The following PPP6R2 variants were observed in gnomAD, a reference collection of about 807,000 sequenced individuals.
The protein encoded by PPP6R2 is protein phosphatase 6 regulatory subunit 2, also known as serine/threonine-protein phosphatase 6 regulatory subunit 2.
A neutral mutation model predicts 100.2 loss-of-function variants in PPP6R2; 62 were observed. The observed-to-expected ratio is 0.62, with a 90% CI of 0.50 to 0.76. The LOEUF (loss-of-function observed/expected upper bound fraction) is 0.76. Among genes scored for constraint, PPP6R2 ranks in the 30% least tolerant of loss-of-function variants. The pLI is 0.00. For synonymous variants in PPP6R2, 525 were observed against 514.7 expected, an observed-to-expected ratio of 1.02 and a Z score of -0.27; for missense variants, 1,142 against 1,276.3, an observed-to-expected ratio of 0.89 and a Z score of 1.60.
At chr22:50,367,257 C>T (rs2048955143) in intron 1 of PPP6R2, among the ~76,000 whole-genome samples, 1 of 151,982 alleles carries the variant, frequency 6.6e-6, no homozygotes, top group Non-Finnish European at 1.5e-5. Flanking sequence ...GGCATCAAAG[C>T]ACTTGGAGTA....
chr22:50,398,016 G>T (rs1260512979), intron 3 of PPP6R2, among the ~76,000 whole-genome samples: 3 of 151,668 alleles, frequency 2.0e-5, no homozygotes, highest in Non-Finnish European at 4.4e-5. Context: ...AGGTTTTAAA[G>T]CACGTGCACA....
chr22:50,383,096 C>G (rs1483194972), intron 2 of PPP6R2, among the ~76,000 whole-genome samples: 1 of 152,136 alleles, frequency 6.6e-6, no homozygotes, highest in African/African-American at 2.4e-5. Context: ...CCTTGGCCTC[C>G]CAAAGTTCTG....
intron 1 of PPP6R2, among the ~76,000 whole-genome samples, chr22:50,356,222 C>T (rs908868082): frequency 6.6e-6 from 1 of 152,108 alleles, no homozygotes; most frequent in Non-Finnish European, 1.5e-5. Flanking sequence ...CCTCGGCCTC[C>T]CAAAATGCTG....
At chr22:50,340,069 ATGTGTGTGTGG>A (rs1022309908), upstream of PPP6R2, among the ~76,000 whole-genome samples, 1 of 49,516 alleles carries the variant, frequency 2.0e-5, no homozygotes, top group Non-Finnish European at 4.1e-5. Context: ...GTGGTGTGTG[ATGTGTGTGTGG>A]TGTGTGTGGT....
At chr22:50,336,184 T>G in the PPP6R2 span, among the ~76,000 whole-genome samples, 2 of 151,514 alleles carry the variant, frequency 1.3e-5, no homozygotes, top group African/African-American at 4.9e-5. Context: ...GAGACGCGGT[T>G]TCACCATGTT....
intron 1 of PPP6R2, among the ~76,000 whole-genome samples, chr22:50,365,062 T>G (rs2148399506): frequency 6.7e-6 from 1 of 150,052 alleles, no homozygotes; most frequent in South Asian, 2.2e-4. Flanking sequence ...CTTGAACATA[T>G]GAGATACTTT....
upstream of PPP6R2, among the ~76,000 whole-genome samples, chr22:50,338,422 GGT>G (rs1032924836): frequency 7.7e-6 from 1 of 129,626 alleles, no homozygotes; most frequent in Non-Finnish European, 1.6e-5. Context: ...GTGTGTGTAG[GGT>G]GTGTGGTGTG....
chr22:50,436,130 A>G (rs1308621879), intron 13 of PPP6R2, among the ~76,000 whole-genome samples: 3 of 152,138 alleles, frequency 2.0e-5, no homozygotes, highest in Admixed American at 2.0e-4. Flanking sequence ...AGTGCCCACC[A>G]CCCTGCCCAC....
chr22:50,427,512 GTCTTCAA>G (rs1340915451), intron 10 of PPP6R2, among the ~76,000 whole-genome samples: 1 of 152,102 alleles, frequency 6.6e-6, no homozygotes, highest in Non-Finnish European at 1.5e-5. Context: ...ACAATATTAA[GTCTTCAA>G]TCCATGAACA....
chr22:50,334,134 G>A, the PPP6R2 span, among the ~76,000 whole-genome samples: 1 of 152,278 alleles, frequency 6.6e-6, no homozygotes, highest in Non-Finnish European at 1.5e-5. Context: ...CTGAAGCACA[G>A]CATCACAGAG....
chr22:50,423,344 C>A lies in PPP6R2; in HGVS notation c.973-118C>A. The A allele has an allele frequency of 7.7e-7, 1 of 1,291,720 alleles. No individual in the cohort carries two copies. The highest frequency in any genetic ancestry group is 1.1e-6 in the Non-Finnish European group (1 of 932,314). The allele number at this position is 1,291,720 out of a possible 1,614,324, so 80.0% of individuals were successfully genotyped here. On this transcript the variant is annotated intron_variant, in intron 9 of 23. Coordinates refer to ENST00000612753, the MANE Select transcript of PPP6R2 (RefSeq NM_001242898.2). This position sits in a 1 kb window ranked among gnomAD's most constrained non-coding sequence, Gnocchi z 4.8. ...GGCCCTCCCTGAGGAACCCCCACCA[C>A]ATACCTCGCTACCCCAGGCTGGGTC...
upstream of PPP6R2, among the ~76,000 whole-genome samples, chr22:50,341,356 A>T (rs901866844): frequency 2.6e-5 from 4 of 151,942 alleles, no homozygotes; most frequent in African/African-American, 9.7e-5. Context: ...CAGGCTCATC[A>T]CCACACCTGG....
chr22:50,404,996 C>T (rs1312736841), intron 3 of PPP6R2, among the ~76,000 whole-genome samples: 1 of 152,210 alleles, frequency 6.6e-6, no homozygotes. Flanking sequence ...CTACCAGTTA[C>T]AAAAGAGGGA....
At chr22:50,359,048 G>A (rs1242584453) in intron 1 of PPP6R2, among the ~76,000 whole-genome samples, 2 of 128,546 alleles carry the variant, frequency 1.6e-5, no homozygotes, top group Non-Finnish European at 3.2e-5. Flanking sequence ...TTGCCAGGCT[G>A]GAGTTCAGTG....
chr22:50,436,714 C>T (rs2064367688), intron 14 of PPP6R2, among the ~76,000 whole-genome samples: 1 of 152,228 alleles, frequency 6.6e-6, no homozygotes, highest in Non-Finnish European at 1.5e-5. Context: ...CCCTTTCCTC[C>T]CACTCCAGGA....
intron 15 of PPP6R2, 96 bp from the exon 16 acceptor site, chr22:50,437,410 C>A: frequency 1.2e-6 from 1 of 845,038 alleles, no homozygotes; most frequent in South Asian, 1.5e-5. Context: ...TCCCGAACAA[C>A]TAGAGAGATT....
intron 4 of PPP6R2, among the ~76,000 whole-genome samples, chr22:50,413,154 C>T (rs1427457047): frequency 6.6e-6 from 1 of 151,690 alleles, no homozygotes; most frequent in African/African-American, 2.4e-5. Context: ...ACGGGGTTTC[C>T]TCCATGTTGA....
intron 1 of PPP6R2, among the ~76,000 whole-genome samples, chr22:50,357,832 GC>G (rs2046936414): frequency 6.6e-6 from 1 of 152,184 alleles, no homozygotes; most frequent in South Asian, 2.1e-4. Flanking sequence ...CACTATGTTG[GC>G]CAGGGTGGTC....
At chr22:50,437,949 C>T (rs762248511) in intron 17 of PPP6R2, 49 bp downstream of exon 17, 2 of 1,564,918 alleles carry the variant, frequency 1.3e-6, no homozygotes, top group African/African-American at 2.7e-5. Flanking sequence ...TCCCAGGCAG[C>T]TCAGGCCATG....
Sources: allele counts gnomAD v4.1 joint callset (sites outside exome capture counted in the v4.1 genomes callset), GRCh38; gene constraint gnomAD v4.1.1; non-coding constraint Gnocchi (gnomAD v3.1); transcripts MANE v1.5; gene names NCBI Gene and HGNC (gene_info 2026-07-23, HGNC 2026-07-21).